Variants in CREBBP observed in about 807,000 individuals in gnomAD.
CREBBP encodes CREB-binding protein.
A neutral mutation model predicts 265.0 loss-of-function variants in CREBBP; 19 were observed. The ratio of observed to expected loss-of-function variants is 0.07; its 90% CI spans 0.05 to 0.11. CREBBP has a LOEUF of 0.11. CREBBP is among the 10% of genes least tolerant of loss of function. The pLI is 1.00. For synonymous variants in CREBBP, 1,457 were observed against 1,223.7 expected (o/e 1.19, Z -3.98); for missense variants, 2,525 against 3,219.0 (o/e 0.78, Z 5.22).
At chr16:3,746,265 C>A (rs1199115731) in intron 21 of CREBBP, among the ~76,000 whole-genome samples, 1 of 152,200 alleles carries the variant, frequency 6.6e-6, no homozygotes, top group African/African-American at 2.4e-5. Context: ...ACGTGCTATG[C>A]AAGCCCTCAG....
chr16:3,840,910 G>C (rs2054554323), intron 2 of CREBBP: 1 of 156,208 alleles, frequency 6.4e-6, no homozygotes, highest in East Asian at 1.9e-4. Flanking sequence ...GAATCAAGAA[G>C]TGGACATTTC....
intron 1 of CREBBP, among the ~76,000 whole-genome samples, chr16:3,872,309 G>A (rs1293092446): frequency 6.6e-6 from 1 of 152,092 alleles, no homozygotes; most frequent in African/African-American, 2.4e-5. Context: ...AATTTGATTT[G>A]TGTGCCCTTG....
At chr16:3,751,192 C>T (rs1002539888) in intron 20 of CREBBP, among the ~76,000 whole-genome samples, 1 of 152,188 alleles carries the variant, frequency 6.6e-6, no homozygotes, top group African/African-American at 2.4e-5. Flanking sequence ...ACAGTACCAC[C>T]GCCTTGAATG....
At chr16:3,748,893 C>T (rs1261453768) in intron 21 of CREBBP, among the ~76,000 whole-genome samples, 2 of 152,230 alleles carry the variant, frequency 1.3e-5, no homozygotes, top group Non-Finnish European at 2.9e-5. Context: ...CGCCTGGAAT[C>T]CCAGCACTTT....
rs751625669 is a variant in CREBBP at position 3,879,981 on chromosome 16, G to A, written c.-65C>T. ...CGGGCCGGCGAGGGCCCGGACGGGGGTCGGGGGCCCTGCCGGCTGCGAGGG... is the reference window on the plus strand; with the variant it reads ...CGGGCCGGCGAGGGCCCGGACGGGGATCGGGGGCCCTGCCGGCTGCGAGGG... On this transcript the variant is annotated 5_prime_UTR_variant, in exon 1 of 31. Coordinates refer to ENST00000262367, the MANE Select transcript of CREBBP (RefSeq NM_004380.3). 89 of 1,499,444 alleles carry A rather than the reference G, an allele frequency of 5.9e-5. No individual in the cohort carries two copies. The highest frequency in any genetic ancestry group is 7.4e-5 in the Non-Finnish European group (82 of 1,102,700). The allele number at this position is 1,499,444 out of a possible 1,614,324, so 92.9% of individuals were successfully genotyped here.
Position 3,850,378 on chromosome 16 carries a change from C to T in CREBBP, c.717G>A (p.Leu239=). The T allele has an allele frequency of 6.2e-7, 1 of 1,614,250 alleles. No individual in the cohort carries two copies. The highest frequency in any genetic ancestry group is 8.5e-7 in the Non-Finnish European group (1 of 1,180,048). Residue 239 remains leucine (L), a synonymous_variant, in exon 2 of 31, where the codon CTG becomes CTA. Coordinates refer to ENST00000262367, the MANE Select transcript of CREBBP (RefSeq NM_004380.3). ...GGGAAACCTGCGTTAGGGTCTCAGC[C>T]AGCACGCTGCTCGAGGCGCCCTGCA... ...PAMQGASSSV[L]AETLTQVSPQ... is the part of the protein sequence containing the mutation.
At chr16:3,766,313 C>A (rs55826476) in intron 16 of CREBBP, among the ~76,000 whole-genome samples, 8 of 152,106 alleles carry the variant, frequency 5.3e-5, no homozygotes, top group Admixed American at 5.2e-4. Flanking sequence ...GAAAGGGCTA[C>A]GAAAATACTT....
intron 3 of CREBBP, among the ~76,000 whole-genome samples, chr16:3,797,789 T>C (rs570884573): frequency 6.6e-6 from 1 of 151,382 alleles, no homozygotes. Flanking sequence ...AAAAAAAAAA[T>C]TCACATGAAC....
At chr16:3,761,348 C>T (rs1302320967) in intron 16 of CREBBP, among the ~76,000 whole-genome samples, 1 of 152,142 alleles carries the variant, frequency 6.6e-6, no homozygotes, top group Non-Finnish European at 1.5e-5. Flanking sequence ...AGTTGGGAAG[C>T]GGCAAGCATC....
chr16:3,776,822 C>T (rs1421067625), intron 11 of CREBBP, among the ~76,000 whole-genome samples: 1 of 151,412 alleles, frequency 6.6e-6, no homozygotes, highest in Non-Finnish European at 1.5e-5. Context: ...ACCATCCTGG[C>T]TAACATGGTG....
At chr16:3,870,606 G>A (rs1028244221) in intron 1 of CREBBP, among the ~76,000 whole-genome samples, 2 of 152,058 alleles carry the variant, frequency 1.3e-5, no homozygotes, top group Non-Finnish European at 2.9e-5. Flanking sequence ...ATCTTAGTTC[G>A]TTTTCTTACA....
chr16:3,797,464 T>C (rs1179736053), intron 3 of CREBBP, among the ~76,000 whole-genome samples: 1 of 152,212 alleles, frequency 6.6e-6, no homozygotes, highest in Non-Finnish European at 1.5e-5. Context: ...CTATATATAC[T>C]GTATTATTTC....
At chr16:3,816,802 G>A (rs533448127) in intron 2 of CREBBP, among the ~76,000 whole-genome samples, 5 of 152,136 alleles carry the variant, frequency 3.3e-5, no homozygotes, top group Non-Finnish European at 7.4e-5. Flanking sequence ...TGCATCCCCT[G>A]CAACATACCA....
rs144116705 is a variant in CREBBP, at chr16:3,738,654, A to G, written c.4299T>C (p.Tyr1433=). The G allele has an allele frequency of 7.4e-6, 12 of 1,612,876 alleles. No homozygotes were observed. Among genetic ancestry groups the G allele is most frequent in the South Asian group, 2.2e-5 (2 of 90,998 alleles). The change falls in exon 26 of 31, where the codon TAT becomes TAC. Residue 1433 remains tyrosine (Y), a synonymous_variant. Coordinates refer to ENST00000262367, the MANE Select transcript of CREBBP (RefSeq NM_004380.3). ...PPNTRRVYIS[Y]LDSIHFFRPR... Reference sequence around the variant, plus strand: ...GCCGGAAGAAATGAATACTATCCAGATAAGAAATGTACACACGCCTGTGGG... The same window carrying G: ...GCCGGAAGAAATGAATACTATCCAGGTAAGAAATGTACACACGCCTGTGGG...
rs759157429 is a variant in CREBBP at position 3,729,339 on chromosome 16, G to A, written c.5708C>T (p.Pro1903Leu). The change falls in exon 31 of 31, where the codon CCG (proline) becomes CTG (leucine). Residue 1903 changes from proline (P) to leucine (L), a missense_variant. Transcript: ENST00000262367. ...PTQQPSTPQT[P>L]QPPAQPQPSP... is the part of the protein sequence containing the mutation. ...GGGTTGGGGCTGGGCAGGGGGCTGC[G>A]GCGTCTGGGGTGTGCTGGGCTGCTG... The A allele has an allele frequency of 4.4e-6, 7 of 1,588,304 alleles. No homozygotes were observed. Among genetic ancestry groups the A allele is most frequent in the South Asian group, 1.1e-5 (1 of 89,534 alleles).
intron 2 of CREBBP, among the ~76,000 whole-genome samples, chr16:3,835,147 A>G (rs2054419532): frequency 6.6e-6 from 1 of 152,176 alleles, no homozygotes; most frequent in African/African-American, 2.4e-5. Flanking sequence ...CAAAAGAGCG[A>G]GACTCCTTCT....
At chr16:3,766,879 A>T (rs530743831) in intron 16 of CREBBP, among the ~76,000 whole-genome samples, 1 of 152,086 alleles carries the variant, frequency 6.6e-6, no homozygotes, top group African/African-American at 2.4e-5. Flanking sequence ...TCCACACAAC[A>T]ACTCTCTGGG....
chr16:3,805,367 A>G (rs1596974112), intron 3 of CREBBP, among the ~76,000 whole-genome samples: 1 of 152,200 alleles, frequency 6.6e-6, no homozygotes, highest in South Asian at 2.1e-4. Flanking sequence ...ATGACTATTC[A>G]CCTGCCGTCT....
chr16:3,802,685 A>C (rs1179269776), intron 3 of CREBBP, among the ~76,000 whole-genome samples: 1 of 152,136 alleles, frequency 6.6e-6, no homozygotes, highest in Non-Finnish European at 1.5e-5. Context: ...TGTGTTCCAA[A>C]CAGCAAGAGA....
Sources: gnomAD v4.1 joint callset for allele counts (sites outside exome capture counted in the v4.1 genomes callset) on GRCh38, gnomAD v4.1.1 for gene constraint, MANE v1.5 for transcripts, NCBI Gene and HGNC (gene_info 2026-07-23, HGNC 2026-07-21) for gene names.